TOP6BL: variants seen among roughly 807,000 people sequenced by gnomAD.
The protein encoded by TOP6BL is type 2 DNA topoisomerase 6 subunit B-like.
the TOP6BL span, chr11:66,788,069 T>A: frequency 1.0e-5 from 9 of 863,192 alleles, no homozygotes; most frequent in Non-Finnish European, 1.7e-5. Context: ...GGAAAAGCCT[T>A]CTTGGCTCAC....
chr11:66,826,481 A>G, the TOP6BL span, among the ~76,000 whole-genome samples: 5 of 152,178 alleles, frequency 3.3e-5, no homozygotes, highest in African/African-American at 9.7e-5. Flanking sequence ...ATTTCTATAA[A>G]TGGAGTTATG....
At chr11:66,748,015 T>C in the TOP6BL span, among the ~76,000 whole-genome samples, 5 of 152,304 alleles carry the variant, frequency 3.3e-5, no homozygotes, top group East Asian at 9.6e-4. Flanking sequence ...TTATTCATAG[T>C]CTTCATGTTG....
the TOP6BL span, chr11:66,759,090 C>G: frequency 6.5e-7 from 1 of 1,545,706 alleles, no homozygotes. Context: ...CAAGAAGTTC[C>G]TAAAAGGTAA....
the TOP6BL span, chr11:66,828,463 A>G: frequency 1.2e-6 from 1 of 824,460 alleles, no homozygotes; most frequent in African/African-American, 1.7e-5. Context: ...CAGACTGCAT[A>G]ATCTGAGGTC....
the TOP6BL span, among the ~76,000 whole-genome samples, chr11:66,804,832 G>A: frequency 2.0e-5 from 3 of 152,244 alleles, no homozygotes; most frequent in South Asian, 4.1e-4. Context: ...AGCACTTTGG[G>A]AGGCTGAGGC....
At chr11:66,813,818 A>G in the TOP6BL span, 28 of 1,551,344 alleles carry the variant, frequency 1.8e-5, no homozygotes, top group Non-Finnish European at 2.0e-5. Context: ...AAGTGAATAC[A>G]TAGTCATAAG....
At chr11:66,749,397 G>T in the TOP6BL span, among the ~76,000 whole-genome samples, 1 of 151,992 alleles carries the variant, frequency 6.6e-6, no homozygotes, top group African/African-American at 2.4e-5. Context: ...ATAAACTCTG[G>T]CCAGGGTAGC....
chr11:66,769,562 A>C, the TOP6BL span, among the ~76,000 whole-genome samples: 2 of 152,028 alleles, frequency 1.3e-5, no homozygotes, highest in African/African-American at 4.8e-5. Context: ...TATAGAACTT[A>C]TACAACAACA....
the TOP6BL span, among the ~76,000 whole-genome samples, chr11:66,757,609 A>G: frequency 2.0e-5 from 3 of 151,922 alleles, no homozygotes; most frequent in Non-Finnish European, 2.9e-5. Context: ...TTTTTGAGAC[A>G]GAGTTTCGCT....
the TOP6BL span, among the ~76,000 whole-genome samples, chr11:66,793,126 C>T: frequency 6.6e-6 from 1 of 151,018 alleles, no homozygotes; most frequent in African/African-American, 2.4e-5. Flanking sequence ...CTCACTCTGT[C>T]ACCCAGGCTG....
chr11:66,792,277 A>T, the TOP6BL span, among the ~76,000 whole-genome samples: 1 of 152,220 alleles, frequency 6.6e-6, no homozygotes, highest in East Asian at 1.9e-4. Context: ...CACCTCATTT[A>T]TCTAAATTTC....
the TOP6BL span, among the ~76,000 whole-genome samples, chr11:66,752,004 C>G: frequency 6.6e-6 from 1 of 152,266 alleles, no homozygotes; most frequent in Admixed American, 6.5e-5. Context: ...TGTATCCTGA[C>G]CTGCTCTAAT....
chr11:66,767,892 G>A, the TOP6BL span, among the ~76,000 whole-genome samples: 1 of 152,132 alleles, frequency 6.6e-6, no homozygotes, highest in Non-Finnish European at 1.5e-5. Context: ...TTGGGCTCAA[G>A]GGATCCTCCC....
chr11:66,767,087 A>T, the TOP6BL span, among the ~76,000 whole-genome samples: 1 of 152,036 alleles, frequency 6.6e-6, no homozygotes, highest in African/African-American at 2.4e-5. Flanking sequence ...ATGATTCCTT[A>T]TTTATTATTA....
chr11:66,843,412 T>C, the TOP6BL span: 13 of 1,401,760 alleles, frequency 9.3e-6, no homozygotes, highest in Non-Finnish European at 1.1e-5. Flanking sequence ...CACCCACACC[T>C]CCCTGGGACT....
the TOP6BL span, among the ~76,000 whole-genome samples, chr11:66,795,482 A>G: frequency 6.6e-6 from 1 of 151,738 alleles, no homozygotes; most frequent in Non-Finnish European, 1.5e-5. Flanking sequence ...TTGTGTTTTT[A>G]GTAGAGATGG....
the TOP6BL span, among the ~76,000 whole-genome samples, chr11:66,785,449 G>A: frequency 7.2e-5 from 11 of 152,020 alleles, no homozygotes; most frequent in African/African-American, 2.7e-4. Context: ...TCGTTTTCAT[G>A]GTATTAATCT....
chr11:66,767,330 A>G, the TOP6BL span, among the ~76,000 whole-genome samples: 1 of 152,180 alleles, frequency 6.6e-6, no homozygotes, highest in Non-Finnish European at 1.5e-5. Flanking sequence ...AACTATTTCT[A>G]TCATAAATGT....
chr11:66,751,984 T>C, the TOP6BL span, among the ~76,000 whole-genome samples: 1 of 152,194 alleles, frequency 6.6e-6, no homozygotes, highest in African/African-American at 2.4e-5. Context: ...CCTGAAAAAC[T>C]CTTTTCCAGT....
Sources: allele counts gnomAD v4.1 joint callset (sites outside exome capture counted in the v4.1 genomes callset), GRCh38; gene constraint gnomAD v4.1.1; transcripts MANE v1.5; gene names NCBI Gene and HGNC (gene_info 2026-07-23, HGNC 2026-07-21).